The following TAFA4 variants were observed in gnomAD, a reference collection of about 807,000 sequenced individuals.
The protein encoded by TAFA4 is TAFA chemokine like family member 4, also known as chemokine-like protein TAFA-4.
In TAFA4, 20 loss-of-function variants were observed where a neutral mutation model predicts 21.1. That is an observed-to-expected ratio of 0.95 (90% CI 0.67 to 1.38). The LOEUF is 1.38. TAFA4 is among the 40% of genes most tolerant of loss of function. The probability of loss-of-function intolerance (pLI) is 0.00; values close to 1 mark genes in which losing one functional copy is unlikely to be tolerated. For missense variants in TAFA4, 211 were observed against 180.9 expected, an observed-to-expected ratio of 1.17 and a Z score of -0.95; for synonymous variants, 71 against 67.4, an observed-to-expected ratio of 1.05 and a Z score of -0.26.
At chr3:68,879,820 C>A (rs1359083548) in intron 3 of TAFA4, among the ~76,000 whole-genome samples, 3 of 152,098 alleles carry the variant, frequency 2.0e-5, no homozygotes, top group African/African-American at 7.2e-5. Context: ...AACACAAGAC[C>A]TTTGGAGACA....
intron 1 of TAFA4, among the ~76,000 whole-genome samples, chr3:68,889,143 A>G (rs1229114857): frequency 3.9e-5 from 6 of 152,228 alleles, no homozygotes; most frequent in African/African-American, 1.4e-4. Flanking sequence ...ATCTAGACTA[A>G]GAGAATTTTT....
chr3:68,742,659 A>C (rs891729210), intron 4 of TAFA4, among the ~76,000 whole-genome samples: 4 of 152,208 alleles, frequency 2.6e-5, no homozygotes, highest in African/African-American at 9.7e-5. Context: ...CCTATCTCAA[A>C]TTACCACTAA....
chr3:68,753,489 C>T (rs138298787), intron 3 of TAFA4, among the ~76,000 whole-genome samples: 2,131 of 152,140 alleles, frequency 0.014, 49 homozygotes, highest in African/African-American at 0.048. Context: ...GTGTGTGCCA[C>T]CATGCCCAGG....
intron 3 of TAFA4, among the ~76,000 whole-genome samples, chr3:68,813,741 G>T (rs1047591175): frequency 4.6e-5 from 7 of 152,046 alleles, no homozygotes; most frequent in Non-Finnish European, 1.0e-4. Context: ...AGAGGTACAA[G>T]GAGGAACTGG....
intron 5 of TAFA4, among the ~76,000 whole-genome samples, chr3:68,736,599 C>A (rs1207963297): frequency 6.6e-6 from 1 of 152,064 alleles, no homozygotes; most frequent in Non-Finnish European, 1.5e-5. Context: ...AAAATGGAAA[C>A]TATTATTGTT....
chr3:68,733,601 GC>G (rs1403622864), intron 5 of TAFA4, among the ~76,000 whole-genome samples: 1 of 152,116 alleles, frequency 6.6e-6, no homozygotes. Flanking sequence ...TTATAAAACT[GC>G]TGTATTATCC....
chr3:68,895,897 T>C (rs902250), intron 1 of TAFA4, among the ~76,000 whole-genome samples: 83,770 of 151,996 alleles, frequency 0.55, 23,533 homozygotes, highest in East Asian at 0.75. Context: ...GGAGACTAGC[T>C]GAGCTTGGAG....
intron 3 of TAFA4, among the ~76,000 whole-genome samples, chr3:68,859,564 A>T (rs1033852776): frequency 2.0e-5 from 3 of 152,164 alleles, no homozygotes; most frequent in Non-Finnish European, 4.4e-5. Context: ...AATGCTAATA[A>T]TATTTCGAGA....
intron 3 of TAFA4, among the ~76,000 whole-genome samples, chr3:68,831,296 T>G (rs916337725): frequency 7.5e-5 from 11 of 147,584 alleles, no homozygotes; most frequent in African/African-American, 2.5e-4. Context: ...TGGTCTTTAC[T>G]ATTTGGCATG....
chr3:68,882,502 C>T (rs34785596), intron 2 of TAFA4, among the ~76,000 whole-genome samples: 19,899 of 152,180 alleles, frequency 0.13, 1,716 homozygotes, highest in Middle Eastern at 0.27. Flanking sequence ...ACAGTCCCTC[C>T]CACTAGTCAG....
chr3:68,919,278 C>A (rs1048866084), intron 1 of TAFA4, among the ~76,000 whole-genome samples: 27 of 152,202 alleles, frequency 1.8e-4, no homozygotes, highest in African/African-American at 6.3e-4. Context: ...CAGCAGGCAG[C>A]CCCCGTCAGG....
At chr3:68,895,697 G>A (rs774820930) in intron 1 of TAFA4, among the ~76,000 whole-genome samples, 3 of 152,112 alleles carry the variant, frequency 2.0e-5, no homozygotes, top group Non-Finnish European at 4.4e-5. Flanking sequence ...AATTCAACAA[G>A]GATTTTTTTT....
chr3:68,862,160 C>T (rs1187731616), intron 3 of TAFA4, among the ~76,000 whole-genome samples: 3 of 152,044 alleles, frequency 2.0e-5, no homozygotes, highest in Admixed American at 6.6e-5. Context: ...GGGCCACCAC[C>T]GACACTTAAC....
At chr3:68,826,774 A>G (rs774696013) in intron 3 of TAFA4, among the ~76,000 whole-genome samples, 3 of 152,118 alleles carry the variant, frequency 2.0e-5, no homozygotes, top group Non-Finnish European at 4.4e-5. Flanking sequence ...GAGAACCCAC[A>G]TTCCTTCTGA....
chr3:68,793,865 T>G (rs192832685), intron 3 of TAFA4, among the ~76,000 whole-genome samples: 1 of 152,326 alleles, frequency 6.6e-6, no homozygotes, highest in African/African-American at 2.4e-5. Flanking sequence ...ATATAATAAC[T>G]CAAGATGTAA....
chr3:68,795,748 G>T (rs1703443495), intron 3 of TAFA4, among the ~76,000 whole-genome samples: 1 of 152,142 alleles, frequency 6.6e-6, no homozygotes, highest in African/African-American at 2.4e-5. Flanking sequence ...ATGTTTTCCT[G>T]GATGGTGTTG....
intron 1 of TAFA4, among the ~76,000 whole-genome samples, chr3:68,925,227 G>A (rs1263899996): frequency 6.6e-6 from 1 of 152,154 alleles, no homozygotes; most frequent in East Asian, 1.9e-4. Context: ...GTGTGAGTGT[G>A]TGTTGAGAAG....
chr3:68,867,156 G>GA (rs146038571), intron 3 of TAFA4, among the ~76,000 whole-genome samples: 2,901 of 152,052 alleles, frequency 0.019, 89 homozygotes, highest in African/African-American at 0.067. Context: ...AAAGGTCAAG[G>GA]AAAAAGAGAG....
intron 3 of TAFA4, among the ~76,000 whole-genome samples, chr3:68,819,982 T>A (rs1367599098): frequency 6.6e-6 from 1 of 152,154 alleles, no homozygotes; most frequent in Non-Finnish European, 1.5e-5. Flanking sequence ...ATACCTGTAC[T>A]CCCACATTCA....
Sources: allele counts gnomAD v4.1 joint callset (sites outside exome capture counted in the v4.1 genomes callset), GRCh38; gene constraint gnomAD v4.1.1; transcripts MANE v1.5; gene names NCBI Gene and HGNC (gene_info 2026-07-23, HGNC 2026-07-21).